The following NCOA2 variants were observed in gnomAD, a reference collection of about 807,000 sequenced individuals.
The protein encoded by NCOA2 is nuclear receptor coactivator 2.
NCOA2 carries 21 observed loss-of-function variants against 145.1 expected under a neutral mutation model. The ratio of observed to expected loss-of-function variants is 0.14; its 90% CI spans 0.10 to 0.21. NCOA2 has a LOEUF of 0.21. Ranked by LOEUF, NCOA2 falls within the 10% of genes least tolerant of loss-of-function variation. The pLI, the probability that NCOA2 is intolerant of heterozygous loss-of-function variation, is 1.00. For missense variants in NCOA2, 1,472 were observed against 1,837.6 expected (o/e 0.80, Z 3.64); for synonymous variants, 619 against 637.5 (o/e 0.97, Z 0.44).
Position 70,128,956 on chromosome 8 carries a change from A to G in NCOA2, c.3349T>C (p.Phe1117Leu), listed in dbSNP as rs1205493592. Residue 1117 changes from phenylalanine to leucine, a missense_variant, in exon 17 of 23, where the codon TTC becomes CTC. By Grantham distance (22) the Phe-to-Leu change is conservative. Around this residue, in one of 4 missense-constraint regions of NCOA2, gnomAD observed 953 missense variants for 1,062.1 expected, o/e 0.90. Transcript: ENST00000452400. ...SQSQAVDPEQ[F>L]SSQDSNIMLE... ...ATGATGTTGGAATCCTGACTTGAGA[A>G]CTGTTCTGGATCTACTGCTTGGCTC... 6.2e-7 allele frequency: 1 copy of G among 1,606,474 alleles called. No individual in the cohort carries two copies. Among genetic ancestry groups the G allele is most frequent in the East Asian group, 2.2e-5 (1 of 44,666 alleles).
intron 1 of NCOA2, among the ~76,000 whole-genome samples, chr8:70,382,389 T>C (rs2131452186): frequency 6.6e-6 from 1 of 152,272 alleles, no homozygotes; most frequent in Middle Eastern, 3.4e-3. Flanking sequence ...TTGTTTAGCA[T>C]AGTGTAAGGC....
At chr8:70,445,908 C>T in the NCOA2 span, among the ~76,000 whole-genome samples, 1 of 152,234 alleles carries the variant, frequency 6.6e-6, no homozygotes, top group African/African-American at 2.4e-5. Flanking sequence ...AATTATCCTA[C>T]TGGAAGGGTC....
At chr8:70,155,925 A>C (rs759122952) in intron 11 of NCOA2, 46 bp downstream of exon 11, 3 of 1,451,624 alleles carry the variant, frequency 2.1e-6, no homozygotes, top group African/African-American at 2.8e-5. Context: ...AAAATCCTTG[A>C]TGGATACAGA....
At chr8:70,322,903 A>G (rs2136187103) in intron 1 of NCOA2, among the ~76,000 whole-genome samples, 1 of 152,346 alleles carries the variant, frequency 6.6e-6, no homozygotes, top group East Asian at 1.9e-4. Flanking sequence ...TTTGTTATCA[A>G]GATATTTTTA....
chr8:70,307,220 C>CAAA lies in NCOA2; in HGVS notation c.-76-10423_-76-10421dup, dbSNP rs57161747. Among the ~76,000 whole-genome samples, 701 of 71,560 alleles carry CAAA rather than the reference C, an allele frequency of 9.8e-3. 11 individuals are homozygous for CAAA. Among genetic ancestry groups the CAAA allele is most frequent in the African/African-American group, 0.026 (587 of 22,538 alleles). 46.9% of individuals were successfully genotyped at this position (71,560 alleles called of 152,430 possible). A position where few individuals can be genotyped will look rare whatever the true frequency, so the allele number is the denominator to read the frequency against. ...TTATTGGCTGTTGTACCTACATAAG[C>CAAA]AAAAAAAAAAAAAAAAAAAAATAGA... is the stretch of plus-strand genomic sequence containing the variant. On this transcript the variant is annotated intron_variant, in intron 1 of 22. Transcript: ENST00000452400.
At chr8:70,120,428 AGT>A (rs1807668498) in intron 22 of NCOA2, among the ~76,000 whole-genome samples, 1 of 151,952 alleles carries the variant, frequency 6.6e-6, no homozygotes, top group African/African-American at 2.4e-5. Flanking sequence ...CTTTAGAACA[AGT>A]GTTTAATAGG....
chr8:70,400,354 A>G (rs1814117854), intron 1 of NCOA2, among the ~76,000 whole-genome samples: 1 of 152,180 alleles, frequency 6.6e-6, no homozygotes. Flanking sequence ...GACGATGCAC[A>G]TCTTTTTCTA....
intron 4 of NCOA2, among the ~76,000 whole-genome samples, chr8:70,177,671 CAT>C (rs2132855735): frequency 6.6e-6 from 1 of 152,268 alleles, no homozygotes; most frequent in African/African-American, 2.4e-5. Context: ...CAAGGCATCT[CAT>C]ATTCTCTCAG....
chr8:70,319,875 C>A (rs1233913315), intron 1 of NCOA2, among the ~76,000 whole-genome samples: 1 of 152,076 alleles, frequency 6.6e-6, no homozygotes, highest in Non-Finnish European at 1.5e-5. Context: ...ACATGTCAGA[C>A]ATGGAGGTAA....
At chr8:70,276,910 C>T (rs889631034) in intron 2 of NCOA2, among the ~76,000 whole-genome samples, 1 of 152,156 alleles carries the variant, frequency 6.6e-6, no homozygotes, top group Non-Finnish European at 1.5e-5. Context: ...TCTTTACTAG[C>T]CACTTTCATT....
chr8:70,123,014 C>T (rs1807992325), intron 21 of NCOA2, among the ~76,000 whole-genome samples: 1 of 152,196 alleles, frequency 6.6e-6, no homozygotes, highest in Admixed American at 6.5e-5. Context: ...CCTTTAAAAA[C>T]AAGATCTTCT....
chr8:70,156,254 G>A lies in NCOA2; in HGVS notation c.2111C>T (p.Ala704Val). The A allele has an allele frequency of 6.2e-7, 1 of 1,613,846 alleles. No individual in the cohort carries two copies. The highest frequency in any genetic ancestry group is 8.5e-7 in the Non-Finnish European group (1 of 1,179,876). ...GCCTGTGGCTTCTGCTGTTAACTTG[G>A]CCAAGTCCACAGGGGAACTGCTGTC... Reference protein sequence around the residue: ...LQDSSSPVDLAKLTAEATGKD... With the variant: ...LQDSSSPVDLVKLTAEATGKD... The change falls in exon 11 of 23, where the codon GCC becomes GTC. Residue 704 changes from alanine (A) to valine (V), a missense_variant. By Grantham distance (64) the Ala-to-Val change is moderately conservative. Coordinates refer to ENST00000452400, the MANE Select transcript of NCOA2 (RefSeq NM_006540.4).
At chr8:70,141,669 T>C (rs2131833964) in intron 13 of NCOA2, among the ~76,000 whole-genome samples, 1 of 152,318 alleles carries the variant, frequency 6.6e-6, no homozygotes, top group South Asian at 2.1e-4. Context: ...ACAGGTGCCG[T>C]GGCGTGTGGA....
chr8:70,420,910 T>C, the NCOA2 span, among the ~76,000 whole-genome samples: 1 of 152,206 alleles, frequency 6.6e-6, no homozygotes, highest in Admixed American at 6.5e-5. Context: ...CCCAAAGTGC[T>C]GGGATTACAG....
chr8:70,161,195 G>A (rs1812962032), intron 9 of NCOA2, among the ~76,000 whole-genome samples: 1 of 152,076 alleles, frequency 6.6e-6, no homozygotes, highest in African/African-American at 2.4e-5. Context: ...CCTTCCAGTG[G>A]GTCCCATCTG....
At chr8:70,234,998 T>G (rs1350003192) in intron 2 of NCOA2, among the ~76,000 whole-genome samples, 1 of 152,194 alleles carries the variant, frequency 6.6e-6, no homozygotes, top group Non-Finnish European at 1.5e-5. Context: ...GAACTTTATG[T>G]GCGACTCAGA....
the NCOA2 span, among the ~76,000 whole-genome samples, chr8:70,422,473 C>T: frequency 6.6e-6 from 1 of 151,728 alleles, no homozygotes; most frequent in Non-Finnish European, 1.5e-5. Flanking sequence ...TGAAGTCGTG[C>T]AATCTCAGCT....
intron 7 of NCOA2, among the ~76,000 whole-genome samples, chr8:70,164,444 G>C (rs1354662506): frequency 6.6e-6 from 1 of 152,030 alleles, no homozygotes; most frequent in African/African-American, 2.4e-5. Flanking sequence ...AGAATTTCTT[G>C]AATTTGACAA....
chr8:70,442,028 GAAAA>G, the NCOA2 span, among the ~76,000 whole-genome samples: 1 of 129,742 alleles, frequency 7.7e-6, no homozygotes, highest in African/African-American at 2.9e-5. Flanking sequence ...GAAAGAAAGA[GAAAA>G]GAAAGAGAAA....
Sources: gnomAD v4.1 joint callset for allele counts (sites outside exome capture counted in the v4.1 genomes callset) on GRCh38, gnomAD v4.1.1 for gene constraint, gnomAD v4.1.1 regional missense constraint, MANE v1.5 for transcripts, NCBI Gene and HGNC (gene_info 2026-07-23, HGNC 2026-07-21) for gene names.